MAST4: variants seen among roughly 807,000 people sequenced by gnomAD.
MAST4 encodes the protein microtubule-associated serine/threonine-protein kinase 4.
A neutral mutation model predicts 162.7 loss-of-function variants in MAST4; 89 were observed. That is an observed-to-expected ratio of 0.55 (90% CI 0.46 to 0.65). The LOEUF (loss-of-function observed/expected upper bound fraction) is 0.65. Ranked by LOEUF, MAST4 falls within the 30% of genes least tolerant of loss-of-function variation. The pLI is 0.00. For missense variants in MAST4, 3,153 were observed against 3,374.0 expected (o/e 0.93, Z 1.62); for synonymous variants, 1,479 against 1,361.1 (o/e 1.09, Z -1.91).
intron 4 of MAST4, among the ~76,000 whole-genome samples, chr5:66,947,353 T>G (rs988610209): frequency 6.6e-6 from 1 of 152,184 alleles, no homozygotes; most frequent in African/African-American, 2.4e-5. Flanking sequence ...TTTCTTCCTG[T>G]GCCCTATCCA....
In MAST4 at chr5:67,165,360, C is replaced by G. The variant is rs1337691533; in HGVS notation, c.6181C>G (p.Leu2061Val). 1.9e-6 allele frequency: 3 copies of G among 1,613,768 alleles called. No individual in the cohort carries two copies. The highest frequency in any genetic ancestry group is 4.5e-5 in the East Asian group (2 of 44,880). Reference protein sequence around the residue: ...ARPPPRDNSSLHSAGIPCEKE... With the variant: ...ARPPPRDNSSVHSAGIPCEKE... Reference sequence around the variant, plus strand: ...GCCCCCGCCCAGAGACAACTCCTCTCTGCACTCAGCTGGAATTCCCTGTGA... The same window carrying G: ...GCCCCCGCCCAGAGACAACTCCTCTGTGCACTCAGCTGGAATTCCCTGTGA... Residue 2061 changes from leucine (L) to valine (V), a missense_variant, in exon 29 of 29, where the codon CTG becomes GTG. Physicochemically the swap from Leu to Val is conservative, Grantham distance 32 (BLOSUM62 1). This residue lies in a region of MAST4 where 1,644 missense variants were observed against 1,495.0 expected (regional missense o/e 1.10). Transcript: ENST00000403625.
intron 1 of MAST4, among the ~76,000 whole-genome samples, chr5:66,651,872 C>T (rs961968341): frequency 3.3e-5 from 5 of 152,152 alleles, no homozygotes; most frequent in Admixed American, 6.6e-5. Flanking sequence ...GGCTGTTGAC[C>T]AGAGAACTCC....
intron 4 of MAST4, among the ~76,000 whole-genome samples, chr5:66,932,540 C>T (rs1296016857): frequency 6.6e-6 from 1 of 152,098 alleles, no homozygotes; most frequent in Admixed American, 6.6e-5. Flanking sequence ...TGAAATTGTG[C>T]TTATGCTTTG....
intron 4 of MAST4, among the ~76,000 whole-genome samples, chr5:66,947,293 A>T (rs1272020226): frequency 6.6e-6 from 1 of 152,104 alleles, no homozygotes; most frequent in African/African-American, 2.4e-5. Context: ...TTGCTGCCTG[A>T]TCCTGACATG....
chr5:66,810,457 A>G (rs1247081706), intron 3 of MAST4, among the ~76,000 whole-genome samples: 1 of 152,178 alleles, frequency 6.6e-6, no homozygotes, highest in East Asian at 1.9e-4. Context: ...GGAAGTGTTC[A>G]TGGGCCAGAT....
chr5:67,123,776 C>T (rs749845275), intron 14 of MAST4, among the ~76,000 whole-genome samples: 18 of 152,136 alleles, frequency 1.2e-4, no homozygotes, highest in East Asian at 3.9e-4. Context: ...TTTTGAAAGG[C>T]GCACCATTTC....
At chr5:66,991,126 T>A (rs1750025639) in intron 4 of MAST4, among the ~76,000 whole-genome samples, 1 of 152,332 alleles carries the variant, frequency 6.6e-6, no homozygotes, top group Non-Finnish European at 1.5e-5. Context: ...GCTGATACTT[T>A]GCCATTAGAA....
chr5:67,162,223 G>T (rs1773259384), intron 27 of MAST4, among the ~76,000 whole-genome samples: 1 of 152,114 alleles, frequency 6.6e-6, no homozygotes, highest in African/African-American at 2.4e-5. Context: ...TGCTTCCAGA[G>T]GTTTACTTTG....
chr5:66,720,463 G>T (rs1751130029), intron 1 of MAST4, among the ~76,000 whole-genome samples: 1 of 151,896 alleles, frequency 6.6e-6, no homozygotes, highest in South Asian at 2.1e-4. Context: ...TATTTTCTTA[G>T]GAATTGTCTC....
intron 1 of MAST4, among the ~76,000 whole-genome samples, chr5:66,689,534 T>C (rs1238427694): frequency 6.6e-6 from 1 of 152,202 alleles, no homozygotes; most frequent in East Asian, 1.9e-4. Flanking sequence ...AACCTACCAG[T>C]GCTCTGTCTT....
intron 1 of MAST4, among the ~76,000 whole-genome samples, chr5:66,653,667 C>T (rs1313876287): frequency 1.3e-5 from 2 of 152,200 alleles, no homozygotes; most frequent in African/African-American, 4.8e-5. Flanking sequence ...GCTTTGCTGG[C>T]CTCCTCTCAC....
intron 3 of MAST4, among the ~76,000 whole-genome samples, chr5:66,829,692 T>C (rs1464856334): frequency 7.3e-6 from 1 of 136,836 alleles, no homozygotes; most frequent in Non-Finnish European, 1.6e-5. Flanking sequence ...GTTAAACTCT[T>C]ATATATTATT....
At chr5:66,889,288 A>G (rs553971916) in intron 3 of MAST4, among the ~76,000 whole-genome samples, 5 of 152,208 alleles carry the variant, frequency 3.3e-5, no homozygotes, top group Non-Finnish European at 7.3e-5. Context: ...CCAAGTAACA[A>G]GAAACATAGT....
intron 3 of MAST4, among the ~76,000 whole-genome samples, chr5:66,832,482 T>C (rs1178132050): frequency 6.6e-6 from 1 of 152,120 alleles, no homozygotes; most frequent in African/African-American, 2.4e-5. Flanking sequence ...AAGATAACAT[T>C]CTTACGCTGG....
rs556653759 is a variant in MAST4, at chr5:66,930,483, A to G, written c.674+30501A>G. ...AAAGGTCTGATCTTTAGCTTCAGTA[A>G]GACGTTCATTGTATTTGGTCCAGTG... On this transcript the variant is annotated intron_variant, in intron 4 of 28. Coordinates refer to ENST00000403625, the MANE Select transcript of MAST4 (RefSeq NM_001164664.2). 2.6e-5 allele frequency among the ~76,000 whole-genome samples: 4 copies of G among 152,308 alleles called. No individual in the cohort carries two copies. The South Asian group carries it at 8.3e-4, about 32-fold the overall frequency.
chr5:67,040,581 G>A (rs375232541), intron 4 of MAST4, among the ~76,000 whole-genome samples: 5 of 152,124 alleles, frequency 3.3e-5, no homozygotes, highest in Middle Eastern at 3.2e-3. Context: ...TACTGCCTCC[G>A]GAAAAACCTC....
At chr5:66,949,026 T>C (rs1744366130) in intron 4 of MAST4, among the ~76,000 whole-genome samples, 1 of 152,108 alleles carries the variant, frequency 6.6e-6, no homozygotes, top group African/African-American at 2.4e-5. Flanking sequence ...AAAGGTAAGC[T>C]GGAGTTACTT....
chr5:67,115,045 C>CAAAA (rs35124829), intron 12 of MAST4: 5 of 76,686 alleles, frequency 6.5e-5, no homozygotes, highest in Non-Finnish European at 1.5e-4. Context: ...AACTCCGACT[C>CAAAA]AAAAAAAAAA....
rs1208217801 is a variant in MAST4 at position 66,673,523 on chromosome 5, G to GTTTT, written c.363+76508_363+76511dup. Among the ~76,000 whole-genome samples, 277 of 131,188 alleles carry GTTTT rather than the reference G, an allele frequency of 2.1e-3. 6 individuals are homozygous for GTTTT. The highest frequency in any genetic ancestry group is 8.5e-3 in the East Asian group (37 of 4,346). The allele number at this position is 131,188 out of a possible 152,430, so 86.1% of individuals were successfully genotyped here. A position where few individuals can be genotyped will look rare whatever the true frequency, so the allele number is the denominator to read the frequency against. Reference sequence around the variant, plus strand: ...AATACGCTAGTTTTTTTTGTTTTTTGTTTTTTGTTTTTTTTTTTTTTGAGA... The same window carrying GTTTT: ...AATACGCTAGTTTTTTTTGTTTTTTGTTTTTTTTTTGTTTTTTTTTTTTTTGAGA... On this transcript the variant is annotated intron_variant, in intron 1 of 28. Coordinates refer to ENST00000403625, the MANE Select transcript of MAST4 (RefSeq NM_001164664.2).
Sources: gnomAD v4.1 joint callset for allele counts (sites outside exome capture counted in the v4.1 genomes callset) on GRCh38, gnomAD v4.1.1 for gene constraint, gnomAD v4.1.1 regional missense constraint, MANE v1.5 for transcripts, NCBI Gene and HGNC (gene_info 2026-07-23, HGNC 2026-07-21) for gene names.